Variants in CR1L observed in about 807,000 individuals in gnomAD.
CR1L encodes complement component receptor 1-like protein.
A neutral mutation model predicts 62.3 loss-of-function variants in CR1L; 59 were observed. The ratio of observed to expected loss-of-function variants is 0.95; its 90% CI spans 0.77 to 1.18. The LOEUF is 1.18. Ranked by LOEUF, CR1L falls within the 50% of genes most tolerant of loss-of-function variation. The probability of loss-of-function intolerance (pLI) is 0.00; values close to 1 mark genes in which losing one functional copy is unlikely to be tolerated. For missense variants in CR1L, 700 were observed against 702.8 expected (o/e 1.00, Z 0.04); for synonymous variants, 279 against 248.7 (o/e 1.12, Z -1.15).
chr1:207,719,563 T>C (rs1056171306), intron 11 of CR1L, among the ~76,000 whole-genome samples: 1 of 151,576 alleles, frequency 6.6e-6, no homozygotes, highest in Non-Finnish European at 1.5e-5. Flanking sequence ...CTACAAAAAA[T>C]AAAAAAAATT....
chr1:207,703,284 T>C (rs950756617), intron 9 of CR1L, among the ~76,000 whole-genome samples: 2 of 152,218 alleles, frequency 1.3e-5, no homozygotes, highest in Non-Finnish European at 2.9e-5. Context: ...CTTCAAAGGA[T>C]AGGCTGCCTT....
intron 8 of CR1L, 97 bp from the exon 9 acceptor site, chr1:207,701,422 G>A (rs1166146513): frequency 2.0e-5 from 29 of 1,469,184 alleles, no homozygotes; most frequent in Admixed American, 3.6e-5. Flanking sequence ...TCAGAACTGC[G>A]TGTTTTCTTC....
chr1:207,721,548 T>G (rs1193989103), intron 11 of CR1L, among the ~76,000 whole-genome samples: 1 of 149,940 alleles, frequency 6.7e-6, no homozygotes, highest in Non-Finnish European at 1.5e-5. Context: ...TGCATAGTAT[T>G]CCATGGTGTA....
Position 207,683,400 on chromosome 1 carries a change from G to A in CR1L, c.378-472G>A, listed in dbSNP as rs184936216. ...AGTCCTCCTACCTCAGCCTCCAAAC[G>A]TGCTGGGATTACAGGCGTGAGCCAC... On this transcript the variant is annotated intron_variant, in intron 3 of 11. Transcript: ENST00000508064. Among the ~76,000 whole-genome samples the A allele has an allele frequency of 4.6e-5, 7 of 152,080 alleles. No individual in the cohort carries two copies. In the East Asian group the frequency reaches 1.4e-3, roughly 29 times the overall value.
chr1:207,652,747 A>G (rs983317772), intron 1 of CR1L: 11 of 736,530 alleles, frequency 1.5e-5, no homozygotes, highest in Admixed American at 1.2e-4. Context: ...TAAATAAACT[A>G]GCCTTTTTTT....
intron 1 of CR1L, among the ~76,000 whole-genome samples, chr1:207,648,893 TC>T: frequency 6.6e-6 from 1 of 152,360 alleles, no homozygotes; most frequent in African/African-American, 2.4e-5. Context: ...ATGATTATTT[TC>T]AATATGAAAT....
chr1:207,706,946 G>C (rs2102476403), intron 9 of CR1L, among the ~76,000 whole-genome samples: 1 of 152,262 alleles, frequency 6.6e-6, no homozygotes, highest in African/African-American at 2.4e-5. Context: ...AATAGAAGTA[G>C]AAAATGTGAG....
At chr1:207,700,590 A>G (rs1664175137) in intron 8 of CR1L, among the ~76,000 whole-genome samples, 1 of 152,184 alleles carries the variant, frequency 6.6e-6, no homozygotes, top group South Asian at 2.1e-4. Flanking sequence ...ATCTGAATCC[A>G]TTTGGAGTTT....
At chr1:207,707,263 G>A (rs1436636894) in intron 9 of CR1L, among the ~76,000 whole-genome samples, 1 of 152,176 alleles carries the variant, frequency 6.6e-6, no homozygotes, top group Admixed American at 6.5e-5. Context: ...TTTGGGTCAG[G>A]TCATTTTATT....
intron 1 of CR1L, chr1:207,652,631 AT>A: frequency 7.6e-7 from 1 of 1,318,492 alleles, no homozygotes; most frequent in Non-Finnish European, 1.1e-6. Flanking sequence ...GAACAAGTAG[AT>A]TATAAGTGTA....
chr1:207,700,778 G>A (rs1024252996), intron 8 of CR1L, among the ~76,000 whole-genome samples: 2 of 152,194 alleles, frequency 1.3e-5, no homozygotes, highest in Non-Finnish European at 2.9e-5. Context: ...TCAGCACTGT[G>A]TCCCCAGGAT....
chr1:207,672,100 G>A (rs548061713), intron 1 of CR1L, among the ~76,000 whole-genome samples: 3 of 150,576 alleles, frequency 2.0e-5, no homozygotes, highest in Non-Finnish European at 2.9e-5. Context: ...CATCAGAGTC[G>A]ATCAACAAAC....
chr1:207,696,635 G>T (rs945785474), intron 5 of CR1L, among the ~76,000 whole-genome samples: 23 of 152,186 alleles, frequency 1.5e-4, no homozygotes, highest in African/African-American at 4.1e-4. Flanking sequence ...CATTTTTCTA[G>T]TCCAATCCCC....
chr1:207,696,419 GACAAATGATT>G (rs1250574300), intron 5 of CR1L, among the ~76,000 whole-genome samples: 1 of 152,194 alleles, frequency 6.6e-6, no homozygotes, highest in African/African-American at 2.4e-5. Flanking sequence ...TATCAAGGAA[GACAAATGATT>G]ATAGTTTTAA....
At chr1:207,697,141 G>A (rs559056742) in intron 5 of CR1L, among the ~76,000 whole-genome samples, 1 of 152,314 alleles carries the variant, frequency 6.6e-6, no homozygotes, top group Admixed American at 6.5e-5. Flanking sequence ...TGCCTTTCTA[G>A]AAAGGAAGCA....
At chr1:207,669,356 G>A in intron 1 of CR1L, 1 of 842,396 alleles carries the variant, frequency 1.2e-6, no homozygotes, top group Non-Finnish European at 1.9e-6. Context: ...CGGAGCACAA[G>A]GATTGGTCAC....
Position 207,694,211 on chromosome 1 carries a change from C to T in CR1L, c.464-142C>T, listed in dbSNP as rs1664035478. 4.7e-6 allele frequency: 5 copies of T among 1,064,580 alleles called. No individual in the cohort carries two copies. In the East Asian group the frequency reaches 1.3e-4, roughly 28 times the overall value. 65.9% of individuals were successfully genotyped at this position (1,064,580 alleles called of 1,614,324 possible). On this transcript the variant is annotated intron_variant, in intron 4 of 11. Transcript: ENST00000508064. Reference sequence around the variant, plus strand: ...GCAGGACACATCATATTATCCCCACCAAAATTACAACTTTGTAAAAATGTA... The same window carrying T: ...GCAGGACACATCATATTATCCCCACTAAAATTACAACTTTGTAAAAATGTA...
chr1:207,658,201 T>C (rs1344549348), intron 1 of CR1L, among the ~76,000 whole-genome samples: 53 of 152,196 alleles, frequency 3.5e-4, no homozygotes, highest in Non-Finnish European at 4.7e-4. Context: ...ATCAATGATT[T>C]AATTTTCCAC....
At chr1:207,649,179 G>T (rs749895178) in intron 1 of CR1L, among the ~76,000 whole-genome samples, 2 of 152,212 alleles carry the variant, frequency 1.3e-5, no homozygotes, top group Non-Finnish European at 2.9e-5. Context: ...GTGGATTAAA[G>T]AAGACAAGAG....
Sources: gnomAD v4.1 joint callset for allele counts (sites outside exome capture counted in the v4.1 genomes callset) on GRCh38, gnomAD v4.1.1 for gene constraint, MANE v1.5 for transcripts, NCBI Gene and HGNC (gene_info 2026-07-23, HGNC 2026-07-21) for gene names.